NPHS1: variants seen among roughly 807,000 people sequenced by gnomAD.
NPHS1 encodes NPHS1 adhesion molecule, nephrin, also known as nephrin.
Under a neutral mutation model 139.7 loss-of-function variants are expected in NPHS1, and 107 were observed. The ratio of observed to expected loss-of-function variants is 0.77; its 90% CI spans 0.66 to 0.90. The LOEUF is 0.90. Among genes scored for constraint, NPHS1 ranks in the 40% least tolerant of loss-of-function variants. NPHS1 has a pLI of 0.00. For synonymous variants in NPHS1, 707 were observed against 706.6 expected (o/e 1.00, Z -0.01); for missense variants, 1,580 against 1,654.2 (o/e 0.96, Z 0.78).
rs563345104 is a variant in NPHS1, at chr19:35,838,563, A to C, written c.3109+674T>G. ...GTGAGACTCCATCTCAAAAATAAAA[A>C]ATAAGGCCGCGCATGGTGGCTCAGG... On this transcript the variant is annotated intron_variant, in intron 22 of 28. Coordinates refer to ENST00000378910, the MANE Select transcript of NPHS1 (RefSeq NM_004646.4). 3.8e-4 allele frequency among the ~76,000 whole-genome samples: 57 copies of C among 151,912 alleles called. 1 individual carries two copies. Among genetic ancestry groups the C allele is most frequent in the African/African-American group, 1.3e-3 (55 of 41,444 alleles).
rs1429305969 is a variant in NPHS1 at position 35,845,971 on chromosome 19, C to T, written c.1627+37G>A. ...CTGCCCCACCTGGCTCTGTCCCTCC[C>T]GCCCCGCCCCCGGGCCTCAGCAGTG... On this transcript the variant is annotated intron_variant, in intron 12 of 28. Transcript: ENST00000378910. The surrounding 1 kb of genome is among the most constrained non-coding windows in gnomAD (Gnocchi z 5.5). 3 of 1,541,654 alleles carry T rather than the reference C, an allele frequency of 1.9e-6. No homozygotes were observed. Among genetic ancestry groups the T allele is most frequent in the Non-Finnish European group, 2.6e-6 (3 of 1,139,390 alleles).
chr19:35,848,353 C>T lies in NPHS1; in HGVS notation c.1215G>A (p.Leu405=). 3.1e-6 allele frequency: 5 copies of T among 1,614,120 alleles called. No individual in the cohort carries two copies. The highest frequency in any genetic ancestry group is 2.2e-5 in the South Asian group (2 of 91,076). ...TCAGACCGTTGTCCTCCCGCCGCGCCAGGAATGTCAGGTTGGACATGGAGA... is the reference window on the plus strand; with the variant it reads ...TCAGACCGTTGTCCTCCCGCCGCGCTAGGAATGTCAGGTTGGACATGGAGA... ...GHISMSNLTF[L]ARREDNGLTL... Residue 405 remains leucine (L), a synonymous_variant, in exon 10 of 29, where the codon CTG becomes CTA. Transcript: ENST00000378910.
chr19:35,839,430 G>C lies in NPHS1; in HGVS notation c.2928-12C>G, dbSNP rs775623457. The C allele has an allele frequency of 6.2e-7, 1 of 1,614,032 alleles. No homozygotes were observed. Among genetic ancestry groups the C allele is most frequent in the Non-Finnish European group, 8.5e-7 (1 of 1,179,942 alleles). On this transcript the variant is annotated splice_polypyrimidine_tract_variant and intron_variant, in intron 21 of 28. Transcript: ENST00000378910. ...CCAGGGCCTCATACCTGCAGGACAG[G>C]GGGATAGTAAATTCAGGGAAGTGCC...
Position 35,845,874 on chromosome 19 carries a change from A to G in NPHS1, c.1628-76T>C, listed in dbSNP as rs866855450. The G allele has an allele frequency of 2.5e-6, 4 of 1,571,558 alleles. No individual in the cohort carries two copies. Among genetic ancestry groups the G allele is most frequent in the Admixed American group, 1.8e-5 (1 of 57,030 alleles). On this transcript the variant is annotated intron_variant, in intron 12 of 28. Coordinates refer to ENST00000378910, the MANE Select transcript of NPHS1 (RefSeq NM_004646.4). This position sits in a 1 kb window ranked among gnomAD's most constrained non-coding sequence, Gnocchi z 5.5. ...TCTGCGTCCACCCCGCCTGCACCCCAGGCTCCGCCCAGTCTCGGGTCCCCC... is the reference window on the plus strand; with the variant it reads ...TCTGCGTCCACCCCGCCTGCACCCCGGGCTCCGCCCAGTCTCGGGTCCCCC...
chr19:35,846,626 A>C (rs931615192), intron 11 of NPHS1, among the ~76,000 whole-genome samples: 8 of 152,298 alleles, frequency 5.3e-5, no homozygotes, highest in African/African-American at 1.9e-4. Context: ...CTGTCCCCAA[A>C]GATTTCCTTT....
At chr19:35,850,822 C>A in intron 4 of NPHS1, 139 bp downstream of exon 4, 1 of 1,171,622 alleles carries the variant, frequency 8.5e-7, no homozygotes, top group Non-Finnish European at 1.2e-6. Context: ...TCAGCATCTC[C>A]CCACACCTTC....
In NPHS1 at chr19:35,825,717, T is replaced by C. The variant is rs1261005404; in HGVS notation, c.*797A>G. 2.0e-5 allele frequency among the ~76,000 whole-genome samples: 3 copies of C among 152,220 alleles called. No homozygotes were observed. The highest frequency in any genetic ancestry group is 4.4e-5 in the Non-Finnish European group (3 of 68,046). ...TTTTAATGCTTATGGAGCATACTTA[T>C]GTTTACATGTGTCATAGTTTATGCC... On this transcript the variant is annotated 3_prime_UTR_variant, in exon 29 of 29. Transcript: ENST00000378910.
intron 8 of NPHS1, 88 bp from the exon 9 acceptor site, chr19:35,848,882 G>C: frequency 6.2e-7 from 1 of 1,610,152 alleles, no homozygotes; most frequent in Non-Finnish European, 8.5e-7. Context: ...CAGATGCTGA[G>C]ATCTTTGGCA....
At position 35,848,298 on chromosome 19, in the gene NPHS1, A is replaced by C; in HGVS notation, c.1270T>G (p.Phe424Val). 2.5e-6 allele frequency: 4 copies of C among 1,614,110 alleles called. No individual in the cohort carries two copies. The highest frequency in any genetic ancestry group is 3.4e-6 in the Non-Finnish European group (4 of 1,180,010). Reference protein sequence around the residue: ...TLTCEAFSEAFTKETFKKSLI... With the variant: ...TLTCEAFSEAVTKETFKKSLI... ...GACTTCTTGAAGGTCTCCTTGGTGA[A>C]GGCTTCACTGAAGGCCTCACATGTG... is the stretch of plus-strand genomic sequence containing the variant. Residue 424 changes from phenylalanine (F) to valine (V), a missense_variant, in exon 10 of 29, where the codon TTC becomes GTC. Phe to Val is a conservative substitution (Grantham distance 50). Transcript: ENST00000378910.
rs1430828506 is a variant in NPHS1 at position 35,842,521 on chromosome 19, A to G, written c.2364T>C (p.Asp788=). The G allele has an allele frequency of 1.2e-6, 2 of 1,614,090 alleles. No homozygotes were observed. The highest frequency in any genetic ancestry group is 1.7e-6 in the Non-Finnish European group (2 of 1,180,022). The change falls in exon 18 of 29, where the codon GAT becomes GAC. Residue 788 remains aspartate, a synonymous_variant. Coordinates refer to ENST00000378910, the MANE Select transcript of NPHS1 (RefSeq NM_004646.4). ...LGEDEEDQSL[D]DMEKISRGPT... is the part of the protein sequence containing the mutation. ...GTCCCCTGGATATCTTCTCCATGTC[A>G]TCCAGGCTCTGGTCCTCCTCATCTT... is the stretch of plus-strand genomic sequence containing the variant.
chr19:35,848,259 C>G lies in NPHS1; in HGVS notation c.1309G>C (p.Val437Leu). ...GGCCAGGGCAGGGGCTCACATTTTA[C>G]GTTCAGGATGAGCGACTTCTTGAAG... ...ETFKKSLILN[V>L]KYPAQKLWIE... The change falls in exon 10 of 29, where the codon GTA (valine) becomes CTA (leucine). Residue 437 changes from valine (V) to leucine (L), a missense_variant. Physicochemically the swap from Val to Leu is conservative, Grantham distance 32. Coordinates refer to ENST00000378910, the MANE Select transcript of NPHS1 (RefSeq NM_004646.4). 1 of 1,614,134 alleles carries G rather than the reference C, an allele frequency of 6.2e-7. No homozygotes were observed. The highest frequency in any genetic ancestry group is 2.2e-5 in the East Asian group (1 of 44,886).
intron 11 of NPHS1, among the ~76,000 whole-genome samples, chr19:35,847,009 T>G (rs1973152184): frequency 6.6e-6 from 1 of 152,224 alleles, no homozygotes; most frequent in Non-Finnish European, 1.5e-5. Context: ...TCCGATAGTC[T>G]GTGGAATTAC....
intron 11 of NPHS1, 22 bp downstream of exon 11, chr19:35,848,019 A>T: frequency 6.2e-7 from 1 of 1,612,954 alleles, no homozygotes; most frequent in South Asian, 1.1e-5. Flanking sequence ...GGCCACCCCC[A>T]TAGCCCTGGC....
intron 7 of NPHS1, 40 bp downstream of exon 7, chr19:35,849,196 C>T (rs781684656): frequency 5.6e-6 from 9 of 1,613,400 alleles, no homozygotes; most frequent in Non-Finnish European, 5.9e-6. Flanking sequence ...CTCCCAGACC[C>T]CACTGTCCCC....
chr19:35,843,400 C>T (rs1973088106), intron 17 of NPHS1, 72 bp downstream of exon 17: 1 of 1,584,936 alleles, frequency 6.3e-7, no homozygotes, highest in South Asian at 1.1e-5. Flanking sequence ...GGTCCCCACT[C>T]CCAAGGAACT....
chr19:35,839,000 C>T (rs1973015882), intron 22 of NPHS1, among the ~76,000 whole-genome samples: 1 of 151,816 alleles, frequency 6.6e-6, no homozygotes, highest in Non-Finnish European at 1.5e-5. Context: ...TTCTAATTTC[C>T]CTTGGTCATT....
Position 35,842,260 on chromosome 19 carries a change from G to C in NPHS1, c.2527C>G (p.Pro843Ala), listed in dbSNP as rs749564036. The part of the protein sequence containing the change: ...VVRFAPQVEH[P>A]TPLTKVAAAG... ...GCAGCCACCTTAGTTAGGGGAGTGG[G>C]GTGCTCCACCTGGGGGGCAACTGGG... The change falls in exon 19 of 29, where the codon CCC becomes GCC. Residue 843 changes from proline (P) to alanine (A), a missense_variant. Physicochemically the swap from Pro to Ala is conservative, Grantham distance 27. Transcript: ENST00000378910. 26 of 1,613,094 alleles carry C rather than the reference G, an allele frequency of 1.6e-5. No individual in the cohort carries two copies. The highest frequency in any genetic ancestry group is 2.1e-5 in the Non-Finnish European group (25 of 1,179,984).
At chr19:35,849,194 C>A (rs1470380686) in intron 7 of NPHS1, 42 bp downstream of exon 7, 1 of 1,613,204 alleles carries the variant, frequency 6.2e-7, no homozygotes, top group Non-Finnish European at 8.5e-7. Context: ...GGCTCCCAGA[C>A]CCCACTGTCC....
At chr19:35,849,790 G>A (rs963555856) in intron 5 of NPHS1, 137 bp from the exon 6 acceptor site, 5 of 721,366 alleles carry the variant, frequency 6.9e-6, no homozygotes, top group Non-Finnish European at 1.2e-5. Flanking sequence ...GGGATCCAGG[G>A]TTCCATGGGA....
Sources: gnomAD v4.1 joint callset for allele counts (sites outside exome capture counted in the v4.1 genomes callset) on GRCh38, gnomAD v4.1.1 for gene constraint, Gnocchi (gnomAD v3.1) non-coding constraint, MANE v1.5 for transcripts, NCBI Gene and HGNC (gene_info 2026-07-23, HGNC 2026-07-21) for gene names.